NR3C1: variants seen among roughly 807,000 people sequenced by gnomAD.
NR3C1 encodes glucocorticoid receptor.
Under a neutral mutation model 74.0 loss-of-function variants are expected in NR3C1, and 14 were observed. The observed-to-expected ratio is 0.19, with a 90% CI of 0.12 to 0.30. NR3C1 has a LOEUF of 0.30. NR3C1 is among the 10% of genes least tolerant of loss of function. The pLI is 1.00. For missense variants in NR3C1, 695 were observed against 909.8 expected, an observed-to-expected ratio of 0.76 and a Z score of 3.04; for synonymous variants, 308 against 332.5, an observed-to-expected ratio of 0.93 and a Z score of 0.80.
intron 1 of NR3C1, among the ~76,000 whole-genome samples, chr5:143,413,265 C>T (rs554851526): frequency 5.9e-5 from 9 of 151,642 alleles, no homozygotes; most frequent in East Asian, 1.9e-4. Flanking sequence ...ATGGTGGTCA[C>T]GGAGGGTTTC....
rs571663597 is a variant in NR3C1, at chr5:143,418,622, A to C, written c.-14+15910T>G. On this transcript the variant is annotated intron_variant, in intron 1 of 8. Transcript: ENST00000343796. ...TGCCCTCAGGGCTTTCCCAGTTAAGAGGGCACAGGGTGTGAAGGGGCACAG... is the reference window on the plus strand; with the variant it reads ...TGCCCTCAGGGCTTTCCCAGTTAAGCGGGCACAGGGTGTGAAGGGGCACAG... Among the ~76,000 whole-genome samples the C allele has an allele frequency of 2.6e-4, 39 of 152,288 alleles. 1 individual carries two copies. Among genetic ancestry groups the C allele is most frequent in the African/African-American group, 7.9e-4 (33 of 41,574 alleles).
rs1479668976 is a variant in NR3C1 at position 143,291,895 on chromosome 5, T to C, written c.2023+3565A>G. On this transcript the variant is annotated intron_variant, in intron 7 of 8. Coordinates refer to ENST00000394464, the MANE Select transcript of NR3C1 (RefSeq NM_000176.3). ...ATTGGAGCCTTTAACCTACTAATCA[T>C]AGGTATTGTAAATTCCCTATCTGAT... 2.0e-5 allele frequency among the ~76,000 whole-genome samples: 3 copies of C among 152,238 alleles called. No homozygotes were observed. The East Asian group carries it at 5.8e-4, about 29-fold the overall frequency.
In NR3C1 at chr5:143,403,409, C is replaced by G; in HGVS notation, c.-212G>C. 1 of 984,646 alleles carries G rather than the reference C, an allele frequency of 1.0e-6. No individual in the cohort carries two copies. Among genetic ancestry groups the G allele is most frequent in the Non-Finnish European group, 1.2e-6 (1 of 829,790 alleles). The allele number at this position is 984,646 out of a possible 1,614,324, so 61.0% of individuals were successfully genotyped here. A position where few individuals can be genotyped will look rare whatever the true frequency, so the allele number is the denominator to read the frequency against. ...AGAAAGTCTCCCATTGCCCAGCTGA[C>G]AAGCCAGCCCTCCGCCCCGCGCCGG... is the stretch of plus-strand genomic sequence containing the variant. On this transcript the variant is annotated 5_prime_UTR_variant, in exon 1 of 9. Coordinates refer to ENST00000394464, the MANE Select transcript of NR3C1 (RefSeq NM_000176.3).
intron 1 of NR3C1, among the ~76,000 whole-genome samples, chr5:143,421,291 G>GT (rs1049745402): frequency 3.9e-5 from 6 of 152,172 alleles, no homozygotes; most frequent in Non-Finnish European, 7.4e-5. Flanking sequence ...GGGCTTGCAT[G>GT]TTTTTACTAT....
At chr5:143,426,681 G>A (rs908749595) in intron 1 of NR3C1, among the ~76,000 whole-genome samples, 2 of 152,158 alleles carry the variant, frequency 1.3e-5, no homozygotes, top group Admixed American at 6.6e-5. Context: ...GCAAAGCTTC[G>A]CTTTGAAAAA....
At chr5:143,378,949 A>T (rs1219371138) in intron 2 of NR3C1, among the ~76,000 whole-genome samples, 3 of 152,148 alleles carry the variant, frequency 2.0e-5, no homozygotes, top group Non-Finnish European at 4.4e-5. Flanking sequence ...TTTAAAAAAA[A>T]AATCTAGACT....
chr5:143,327,407 C>T (rs946548859), intron 2 of NR3C1, among the ~76,000 whole-genome samples: 1 of 152,122 alleles, frequency 6.6e-6, no homozygotes, highest in African/African-American at 2.4e-5. Context: ...CAGAGCCAAA[C>T]CATATTATTT....
intron 2 of NR3C1, among the ~76,000 whole-genome samples, chr5:143,348,921 T>C (rs1445431326): frequency 6.6e-6 from 1 of 152,180 alleles, no homozygotes; most frequent in Non-Finnish European, 1.5e-5. Flanking sequence ...CTTGTATTAT[T>C]GACAAAGGAA....
upstream of NR3C1, chr5:143,403,956 A>G (rs10482605): frequency 0.16 from 155,549 of 984,588 alleles, 12,733 homozygotes; most frequent in Middle Eastern, 0.28. Context: ...CCCAGGAAAA[A>G]GGGTGGCGGC....
At chr5:143,298,642 G>A in intron 6 of NR3C1, 26 bp downstream of exon 6, 1 of 1,609,086 alleles carries the variant, frequency 6.2e-7, no homozygotes, top group Non-Finnish European at 8.5e-7. Context: ...TATGAATACA[G>A]GGAAAATGAC....
chr5:143,373,271 G>T (rs1015184486), intron 2 of NR3C1, among the ~76,000 whole-genome samples: 6 of 152,234 alleles, frequency 3.9e-5, no homozygotes, highest in Middle Eastern at 3.4e-3. Context: ...CATTTTCACA[G>T]CAGCGTTGTT....
intron 2 of NR3C1, among the ~76,000 whole-genome samples, chr5:143,342,438 G>A (rs1399676258): frequency 6.6e-6 from 1 of 152,218 alleles, no homozygotes; most frequent in Non-Finnish European, 1.5e-5. Flanking sequence ...TAGATTCTCA[G>A]ACCTCCAGGG....
Position 143,400,286 on chromosome 5 carries a change from G to A in NR3C1, c.554C>T (p.Thr185Ile), listed in dbSNP as rs2151940902. 6.2e-7 allele frequency: 1 copy of A among 1,607,786 alleles called. No homozygotes were observed. The highest frequency in any genetic ancestry group is 8.5e-7 in the Non-Finnish European group (1 of 1,176,784). ...AATGTCAAAGGTGCTTTGGTCTGTG[G>A]TATACAATTTCACATTGCCACCGTT... is the stretch of plus-strand genomic sequence containing the variant. ...GTNGGNVKLY[T>I]TDQSTFDILQ... The change falls in exon 2 of 9, where the codon ACC (threonine) becomes ATC (isoleucine). Residue 185 changes from threonine to isoleucine, a missense_variant. This residue lies in a region of NR3C1 where 497 missense variants were observed against 489.5 expected (regional missense o/e 1.02). Coordinates refer to ENST00000394464, the MANE Select transcript of NR3C1 (RefSeq NM_000176.3).
At chr5:143,379,776 T>C (rs775054959) in intron 2 of NR3C1, among the ~76,000 whole-genome samples, 3 of 152,208 alleles carry the variant, frequency 2.0e-5, no homozygotes, top group Non-Finnish European at 2.9e-5. Context: ...TCACCATTCA[T>C]TGCTACAGCC....
intron 2 of NR3C1, among the ~76,000 whole-genome samples, chr5:143,324,504 A>C (rs1046114501): frequency 6.6e-6 from 1 of 152,110 alleles, no homozygotes; most frequent in Admixed American, 6.5e-5. Flanking sequence ...GGCCCACGAA[A>C]CCACTTTTTC....
intron 8 of NR3C1, among the ~76,000 whole-genome samples, chr5:143,282,359 T>C (rs1335696754): frequency 6.6e-6 from 1 of 150,498 alleles, no homozygotes; most frequent in Non-Finnish European, 1.5e-5. Context: ...TGATTTTATA[T>C]ACACATGACT....
chr5:143,405,340 C>G (rs1313605389), upstream of NR3C1: 5 of 985,540 alleles, frequency 5.1e-6, no homozygotes, highest in East Asian at 5.7e-4. Flanking sequence ...TCACCTCCCG[C>G]CGCGCTCAGA....
intron 1 of NR3C1, among the ~76,000 whole-genome samples, chr5:143,421,499 G>A (rs1315059688): frequency 1.3e-5 from 2 of 152,028 alleles, no homozygotes; most frequent in Non-Finnish European, 2.9e-5. Flanking sequence ...TGAGGACTAA[G>A]TGAGTTCTCA....
In NR3C1 at chr5:143,300,889, T is replaced by A. The variant is rs1019712151; in HGVS notation, c.1469-126A>T. On this transcript the variant is annotated intron_variant, in intron 4 of 8. Transcript: ENST00000394464. This position sits in a 1 kb window ranked among gnomAD's most constrained non-coding sequence, Gnocchi z 5.2. ...ATGGGAGAAATATTTTATTTAGCAA[T>A]TATGATAAAGTGACATGGAAAAGGA... 9.3e-7 allele frequency: 1 copy of A among 1,069,596 alleles called. No homozygotes were observed. Among genetic ancestry groups the A allele is most frequent in the Admixed American group, 3.0e-5 (1 of 33,640 alleles). The allele number at this position is 1,069,596 out of a possible 1,614,324, so 66.3% of individuals were successfully genotyped here. A position where few individuals can be genotyped will look rare whatever the true frequency, so the allele number is the denominator to read the frequency against.
Sources: gnomAD v4.1 joint callset for allele counts (sites outside exome capture counted in the v4.1 genomes callset) on GRCh38, gnomAD v4.1.1 for gene constraint, gnomAD v4.1.1 regional missense constraint, Gnocchi (gnomAD v3.1) non-coding constraint, MANE v1.5 for transcripts, NCBI Gene and HGNC (gene_info 2026-07-23, HGNC 2026-07-21) for gene names.